Variants in ARAP2 observed in about 807,000 individuals in gnomAD.
The protein encoded by ARAP2 is ArfGAP with RhoGAP domain, ankyrin repeat and PH domain 2, also known as arf-GAP with Rho-GAP domain, ANK repeat and PH domain-containing protein 2.
ARAP2 carries 148 observed loss-of-function variants against 194.5 expected under a neutral mutation model. That is an observed-to-expected ratio of 0.76 (90% CI 0.67 to 0.87). ARAP2 has a LOEUF of 0.87. Among genes scored for constraint, ARAP2 ranks in the 40% least tolerant of loss-of-function variants. The pLI is 0.00. For synonymous variants in ARAP2, 695 were observed against 683.5 expected, an observed-to-expected ratio of 1.02 and a Z score of -0.26; for missense variants, 2,128 against 1,989.7, an observed-to-expected ratio of 1.07 and a Z score of -1.32.
At chr4:36,021,985 C>A (rs945964404) in intron 5 of ARAP2, among the ~76,000 whole-genome samples, 3 of 152,130 alleles carry the variant, frequency 2.0e-5, no homozygotes, top group African/African-American at 7.2e-5. Context: ...CTATTTCTCC[C>A]AGGCCACACA....
intron 20 of ARAP2, among the ~76,000 whole-genome samples, chr4:36,130,510 C>T (rs141672355): frequency 6.6e-6 from 1 of 151,968 alleles, no homozygotes; most frequent in African/African-American, 2.4e-5. Context: ...CCCATTTTCT[C>T]TTAGGGCTCA....
At chr4:36,217,854 C>T (rs1292703173) in intron 2 of ARAP2, among the ~76,000 whole-genome samples, 1 of 149,026 alleles carries the variant, frequency 6.7e-6, no homozygotes. Flanking sequence ...TATGATAATA[C>T]TAGATAATAC....
At chr4:36,195,142 G>A (rs1742801495) in intron 6 of ARAP2, among the ~76,000 whole-genome samples, 1 of 146,528 alleles carries the variant, frequency 6.8e-6, no homozygotes, top group South Asian at 2.3e-4. Flanking sequence ...ACTCCAGCCT[G>A]GGCAACACAG....
At chr4:36,183,568 T>A (rs947066997) in intron 8 of ARAP2, among the ~76,000 whole-genome samples, 4 of 152,324 alleles carry the variant, frequency 2.6e-5, no homozygotes, top group Admixed American at 2.6e-4. Context: ...GTATCACATC[T>A]CCATGTGTGA....
chr4:36,043,141 A>C (rs1560310216), intron 5 of ARAP2, among the ~76,000 whole-genome samples: 1 of 151,768 alleles, frequency 6.6e-6, no homozygotes, highest in African/African-American at 2.4e-5. Flanking sequence ...CCCCACCTGC[A>C]CTCTCTTTAA....
intron 28 of ARAP2, among the ~76,000 whole-genome samples, chr4:36,087,986 T>C (rs1464297607): frequency 6.6e-6 from 1 of 152,086 alleles, no homozygotes; most frequent in African/African-American, 2.4e-5. Context: ...GTGGGGTAAC[T>C]GTATAGATAA....
intron 19 of ARAP2, 101 bp downstream of exon 19, chr4:36,147,195 G>A: frequency 9.6e-7 from 1 of 1,041,042 alleles, no homozygotes; most frequent in Non-Finnish European, 1.4e-6. Flanking sequence ...AATTTCAACA[G>A]GTTTTAAAAT....
chr4:36,215,515 G>C (rs182684691), intron 2 of ARAP2, among the ~76,000 whole-genome samples: 1 of 152,240 alleles, frequency 6.6e-6, no homozygotes, highest in East Asian at 1.9e-4. Flanking sequence ...AAAAATCATT[G>C]TAACATCTGA....
At position 36,229,564 on chromosome 4, in the gene ARAP2, C is replaced by T; in HGVS notation, c.-78G>A. On this transcript the variant is annotated 5_prime_UTR_variant, in exon 2 of 33. Transcript: ENST00000303965. ...ACACACAAGAAGATGTACTTCTCTA[C>T]TGGCTTTTCCTCTATCAATTGTGAC... 8.9e-7 allele frequency: 1 copy of T among 1,125,334 alleles called. No individual in the cohort carries two copies. The highest frequency in any genetic ancestry group is 1.3e-6 in the Non-Finnish European group (1 of 798,004). 69.7% of individuals were successfully genotyped at this position (1,125,334 alleles called of 1,614,324 possible). A position where few individuals can be genotyped will look rare whatever the true frequency, so the allele number is the denominator to read the frequency against.
chr4:36,192,848 T>A (rs1436681977), intron 7 of ARAP2, among the ~76,000 whole-genome samples: 1 of 151,994 alleles, frequency 6.6e-6, no homozygotes, highest in African/African-American at 2.4e-5. Context: ...ATTACAAAAT[T>A]AGCCAGGCAT....
At chr4:36,212,536 GT>G (rs1560682269) in intron 4 of ARAP2, 49 bp from the exon 5 acceptor site, 1 of 1,394,404 alleles carries the variant, frequency 7.2e-7, no homozygotes, top group Admixed American at 1.8e-5. Context: ...TTGCTTTTTG[GT>G]TTGGGGATTT....
intron 2 of ARAP2, among the ~76,000 whole-genome samples, chr4:36,056,994 G>A (rs1279915956): frequency 2.0e-5 from 3 of 149,098 alleles, no homozygotes; most frequent in African/African-American, 7.4e-5. Context: ...ACTGCATTTT[G>A]GCACTTCTAC....
intron 26 of ARAP2, among the ~76,000 whole-genome samples, chr4:36,109,452 CA>C (rs568624860): frequency 1.3e-5 from 2 of 151,510 alleles, no homozygotes; most frequent in Non-Finnish European, 3.0e-5. Context: ...GCCCATAAAT[CA>C]AAAAAACATA....
chr4:36,016,084 T>C (rs1310005748), intron 6 of ARAP2: 5 of 152,146 alleles, frequency 3.3e-5, no homozygotes, highest in African/African-American at 9.7e-5. Flanking sequence ...TTAGAGTACA[T>C]GCATAAGCCA....
intron 1 of ARAP2, among the ~76,000 whole-genome samples, chr4:36,241,849 T>TA (rs1753579006): frequency 1.3e-5 from 2 of 152,164 alleles, no homozygotes. Context: ...TCAGGAACTC[T>TA]AAAAAATCTC....
Position 36,229,339 on chromosome 4 carries a change from C to T in ARAP2, c.148G>A (p.Gly50Arg). Residue 50 changes from glycine (G) to arginine (R), a missense_variant, in exon 2 of 33, where the codon GGA becomes AGA. Physicochemically the swap from Gly to Arg is moderately radical, Grantham distance 125. Coordinates refer to ENST00000303965, the MANE Select transcript of ARAP2 (RefSeq NM_015230.4). ...CTACGGTGACCTGTAGGTGATATTC[C>T]AATTTTCTGCAGCAGGCTGTCATTT... ...AINDSLLQKI[G>R]ISPTGHRRRI... 1 of 1,614,032 alleles carries T rather than the reference C, an allele frequency of 6.2e-7. No homozygotes were observed. Among genetic ancestry groups the T allele is most frequent in the Non-Finnish European group, 8.5e-7 (1 of 1,179,980 alleles).
At chr4:36,181,766 G>C (rs895251608) in intron 8 of ARAP2, among the ~76,000 whole-genome samples, 7 of 152,196 alleles carry the variant, frequency 4.6e-5, no homozygotes, top group African/African-American at 1.7e-4. Flanking sequence ...GACTGACCAT[G>C]ACCTTATTCT....
intron 15 of ARAP2, among the ~76,000 whole-genome samples, chr4:36,156,874 A>C (rs1249107712): frequency 6.6e-6 from 1 of 152,214 alleles, no homozygotes; most frequent in Admixed American, 6.5e-5. Context: ...AAATATCCCT[A>C]GTTAAATTAC....
chr4:36,127,045 A>C (rs1189878046), intron 21 of ARAP2, among the ~76,000 whole-genome samples: 1 of 152,000 alleles, frequency 6.6e-6, no homozygotes, highest in Non-Finnish European at 1.5e-5. Context: ...TATATTGCCC[A>C]GGCTGGTCTC....
Sources: allele counts gnomAD v4.1 joint callset (sites outside exome capture counted in the v4.1 genomes callset), GRCh38; gene constraint gnomAD v4.1.1; transcripts MANE v1.5; gene names NCBI Gene and HGNC (gene_info 2026-07-23, HGNC 2026-07-21).